The following ARHGAP29 variants were observed in gnomAD, a reference collection of about 807,000 sequenced individuals.
ARHGAP29 encodes rho GTPase-activating protein 29.
A neutral mutation model predicts 122.6 loss-of-function variants in ARHGAP29; 43 were observed. The observed-to-expected ratio is 0.35, with a 90% CI of 0.27 to 0.45. The LOEUF (loss-of-function observed/expected upper bound fraction) is 0.45, where lower values mean the gene tolerates loss of function less well. ARHGAP29 is among the 20% of genes least tolerant of loss of function. ARHGAP29 has a pLI of 1.00. For missense variants in ARHGAP29, 1,303 were observed against 1,477.2 expected (o/e 0.88, Z 1.93); for synonymous variants, 506 against 497.1 (o/e 1.02, Z -0.24).
chr1:94,312,841 G>A, the ARHGAP29 span, among the ~76,000 whole-genome samples: 4 of 152,104 alleles, frequency 2.6e-5, no homozygotes, highest in East Asian at 1.9e-4. Flanking sequence ...CTCCTTTGCT[G>A]GGTGCTGCAG....
the ARHGAP29 span, among the ~76,000 whole-genome samples, chr1:94,284,328 C>A: frequency 6.6e-6 from 1 of 152,112 alleles, no homozygotes; most frequent in East Asian, 1.9e-4. Context: ...ACTTTACATA[C>A]CTTATTTTGC....
intron 3 of ARHGAP29, 140 bp from the exon 4 acceptor site, chr1:94,209,490 T>C (rs1651443274): frequency 3.8e-6 from 2 of 519,760 alleles, no homozygotes. Context: ...ACATACAAAA[T>C]TGACATGATG....
chr1:94,312,399 C>G, the ARHGAP29 span, among the ~76,000 whole-genome samples: 1 of 112,154 alleles, frequency 8.9e-6, no homozygotes, highest in Non-Finnish European at 1.8e-5. Context: ...TCAGAACAAA[C>G]TTAAGAAGAA....
At chr1:94,289,708 T>C in the ARHGAP29 span, among the ~76,000 whole-genome samples, 1 of 152,238 alleles carries the variant, frequency 6.6e-6, no homozygotes, top group African/African-American at 2.4e-5. Context: ...TGAAAGGCTG[T>C]TGAATTTTGT....
At chr1:94,307,506 A>G in the ARHGAP29 span, among the ~76,000 whole-genome samples, 1 of 152,244 alleles carries the variant, frequency 6.6e-6, no homozygotes, top group East Asian at 1.9e-4. Flanking sequence ...ATAAAATGAG[A>G]AAAACAAGAA....
At chr1:94,218,362 G>T (rs1430044444) in intron 3 of ARHGAP29, among the ~76,000 whole-genome samples, 1 of 152,156 alleles carries the variant, frequency 6.6e-6, no homozygotes, top group African/African-American at 2.4e-5. Context: ...CAAGTATAAA[G>T]ATAGTAATAG....
chr1:94,246,850 C>A (rs1484604870), intron 1 of ARHGAP29, among the ~76,000 whole-genome samples: 3 of 151,810 alleles, frequency 2.0e-5, no homozygotes, highest in Admixed American at 1.3e-4. Flanking sequence ...GCAGAGCACA[C>A]GACTTGCCCT....
chr1:94,192,368 C>G (rs1650178267), intron 12 of ARHGAP29: 1 of 152,256 alleles, frequency 6.6e-6, no homozygotes, highest in East Asian at 1.9e-4. Context: ...CTCCAATTCC[C>G]AAAGTACAAA....
At chr1:94,243,483 T>C (rs1653682152) in intron 1 of ARHGAP29, among the ~76,000 whole-genome samples, 2 of 152,046 alleles carry the variant, frequency 1.3e-5, no homozygotes, top group Admixed American at 1.3e-4. Flanking sequence ...GAAATTTTAA[T>C]ATATTTTGAA....
intron 5 of ARHGAP29, 59 bp downstream of exon 5, chr1:94,208,773 T>C (rs1651382675): frequency 8.5e-6 from 13 of 1,538,086 alleles, no homozygotes; most frequent in Non-Finnish European, 1.2e-5. Flanking sequence ...GATTAGGCAA[T>C]AGTTGAAACA....
At chr1:94,293,661 G>A in the ARHGAP29 span, among the ~76,000 whole-genome samples, 1 of 152,150 alleles carries the variant, frequency 6.6e-6, no homozygotes, top group African/African-American at 2.4e-5. Context: ...TCAAGCAGTT[G>A]TTTATAGCAA....
At chr1:94,283,588 A>T in the ARHGAP29 span, among the ~76,000 whole-genome samples, 1 of 152,206 alleles carries the variant, frequency 6.6e-6, no homozygotes, top group East Asian at 1.9e-4. Context: ...AATTTCTTTT[A>T]GTCATTCTAG....
the ARHGAP29 span, among the ~76,000 whole-genome samples, chr1:94,283,860 T>C: frequency 1.3e-5 from 2 of 152,202 alleles, no homozygotes; most frequent in Admixed American, 1.3e-4. Flanking sequence ...CCCAATCCCA[T>C]TTCCAAACAT....
chr1:94,196,265 T>TG lies in ARHGAP29; in HGVS notation c.1281+5454_1281+5455insC, dbSNP rs1557852246. On this transcript the variant is annotated intron_variant, in intron 12 of 22. Transcript: ENST00000260526. ...ATTTTTCCGTGTTTTTCTTTTTTTT[T>TG]TTTTTTTTTTTTTTGAGACGGAGTC... is the stretch of plus-strand genomic sequence containing the variant. 2.2e-5 allele frequency among the ~76,000 whole-genome samples: 3 copies of TG among 135,592 alleles called. No homozygotes were observed. The East Asian group carries it at 6.1e-4, about 27-fold the overall frequency. The allele number at this position is 135,592 out of a possible 152,430, so 89.0% of individuals were successfully genotyped here.
rs553678943 is a variant in ARHGAP29, at chr1:94,205,624, T to A, written c.559+11A>T. 1.6e-5 allele frequency: 26 copies of A among 1,610,892 alleles called. 1 individual carries two copies. The South Asian group carries it at 2.5e-4, about 16-fold the overall frequency. On this transcript the variant is annotated intron_variant, in intron 6 of 22. Transcript: ENST00000260526. Reference sequence around the variant, plus strand: ...AAGTTTGTGAAAAGTTATAAACACCTTGAGCATTACCTTTTTCACTGGATG... The same window carrying A: ...AAGTTTGTGAAAAGTTATAAACACCATGAGCATTACCTTTTTCACTGGATG...
At chr1:94,176,007 G>C (rs551164299) in intron 22 of ARHGAP29, among the ~76,000 whole-genome samples, 327 of 152,160 alleles carry the variant, frequency 2.1e-3, no homozygotes, top group Middle Eastern at 0.014. Flanking sequence ...CTGGCCCAAG[G>C]CTCTTTTGAT....
At chr1:94,238,389 T>C (rs1425813202), upstream of ARHGAP29, among the ~76,000 whole-genome samples, 1 of 151,954 alleles carries the variant, frequency 6.6e-6, no homozygotes, top group Non-Finnish European at 1.5e-5. Context: ...TAGCTGCACT[T>C]TCAAACTCAC....
intron 2 of ARHGAP29, among the ~76,000 whole-genome samples, chr1:94,223,038 G>A: frequency 6.6e-6 from 1 of 151,908 alleles, no homozygotes; most frequent in Non-Finnish European, 1.5e-5. Context: ...CCGCCTCCTG[G>A]GTTCACGCCA....
chr1:94,205,243 C>T (rs771223129), intron 6 of ARHGAP29, 45 bp from the exon 7 acceptor site: 16 of 1,397,512 alleles, frequency 1.1e-5, no homozygotes, highest in South Asian at 6.7e-5. Flanking sequence ...AATGTGATCA[C>T]ATCATAACTC....
Sources: allele counts gnomAD v4.1 joint callset (sites outside exome capture counted in the v4.1 genomes callset), GRCh38; gene constraint gnomAD v4.1.1; transcripts MANE v1.5; gene names NCBI Gene and HGNC (gene_info 2026-07-23, HGNC 2026-07-21).